MAOB: variants seen among roughly 807,000 people sequenced by gnomAD.
MAOB encodes amine oxidase [flavin-containing] B.
Under a neutral mutation model 41.9 loss-of-function variants are expected in MAOB, and 15 were observed. That is an observed-to-expected ratio of 0.36 (90% CI 0.24 to 0.55). The LOEUF (loss-of-function observed/expected upper bound fraction) is 0.55, where lower values mean the gene tolerates loss of function less well. MAOB is among the 20% of genes least tolerant of loss of function. MAOB has a pLI of 0.86. For missense variants in MAOB, 345 were observed against 398.7 expected, an observed-to-expected ratio of 0.87 and a Z score of 1.15; for synonymous variants, 167 against 144.2, an observed-to-expected ratio of 1.16 and a Z score of -1.13.
At chrX:43,802,921 A>T (rs2034614625) in intron 4 of MAOB, among the ~76,000 whole-genome samples, 1 of 111,668 alleles carries the variant, frequency 9.0e-6, no homozygotes, top group Non-Finnish European at 1.9e-5. Context: ...CGTTCTGCAC[A>T]TGTATCCCGG....
chrX:43,833,823 G>A (rs1456054713), intron 3 of MAOB, among the ~76,000 whole-genome samples: 1 of 111,579 alleles, frequency 9.0e-6, no homozygotes, highest in Non-Finnish European at 1.9e-5. Flanking sequence ...CTTGGAGGCG[G>A]AAAATGAATT....
chrX:43,787,724 G>A (rs953502353), intron 8 of MAOB, among the ~76,000 whole-genome samples: 1 of 111,837 alleles, frequency 8.9e-6, no homozygotes, highest in Non-Finnish European at 1.9e-5. Flanking sequence ...AAGGTCAGTG[G>A]AACAGAAAGA....
chrX:43,805,504 A>T (rs2034651620), intron 3 of MAOB, among the ~76,000 whole-genome samples: 1 of 111,185 alleles, frequency 9.0e-6, no homozygotes, highest in Non-Finnish European at 1.9e-5. Context: ...TCTGTCACTT[A>T]TAGATTGTTT....
At chrX:43,788,419 A>C (rs2034425824) in intron 8 of MAOB, among the ~76,000 whole-genome samples, 1 of 111,969 alleles carries the variant, frequency 8.9e-6, no homozygotes, top group African/African-American at 3.3e-5. Flanking sequence ...GAGAGGACAG[A>C]CCCTAACAAA....
intron 3 of MAOB, among the ~76,000 whole-genome samples, chrX:43,816,670 A>G (rs931776802): frequency 1.8e-5 from 2 of 112,310 alleles, no homozygotes; most frequent in Non-Finnish European, 3.8e-5. Context: ...AGACATCCAT[A>G]TCACTAGACA....
At position 43,857,114 on chromosome X, in the gene MAOB, TATAGAGAGAGAGAGAGAG is replaced by T. The variant is rs1211229523; in HGVS notation, c.47-13368_47-13351del. Among the ~76,000 whole-genome samples, 90 of 11,445 alleles carry T rather than the reference TATAGAGAGAGAGAGAGAG, an allele frequency of 7.9e-3. 1 individual carries two copies. Among genetic ancestry groups the T allele is most frequent in the Non-Finnish European group, 0.01 (67 of 6,676 alleles). 9.9% of individuals were successfully genotyped at this position (11,445 alleles called of 115,157 possible). A position where few individuals can be genotyped will look rare whatever the true frequency, so the allele number is the denominator to read the frequency against. ...ATATATATATATATATATATATATA[TATAGAGAGAGAGAGAGAG>T]AGAGAGAGAGAGAGAGAGAGAGAGA... On this transcript the variant is annotated intron_variant, in intron 1 of 14. Transcript: ENST00000378069.
intron 3 of MAOB, among the ~76,000 whole-genome samples, chrX:43,817,898 T>C (rs755209214): frequency 3.6e-4 from 40 of 112,480 alleles, no homozygotes; most frequent in African/African-American, 1.3e-3. Context: ...TTCATATATA[T>C]ATACATATAT....
intron 2 of MAOB, among the ~76,000 whole-genome samples, chrX:43,843,402 CACACACAG>C (rs2035163353): frequency 9.7e-6 from 1 of 103,306 alleles, no homozygotes. Context: ...CACACACACA[CACACACAG>C]AGGCACACAC....
At chrX:43,804,479 T>C (rs2034637249) in intron 3 of MAOB, among the ~76,000 whole-genome samples, 1 of 108,881 alleles carries the variant, frequency 9.2e-6, no homozygotes, top group South Asian at 3.9e-4. Context: ...GAGAGAGAGA[T>C]ACATACATAG....
chrX:43,846,584 A>G (rs1195170325), intron 1 of MAOB, among the ~76,000 whole-genome samples: 2 of 111,744 alleles, frequency 1.8e-5, no homozygotes, highest in Non-Finnish European at 3.8e-5. Context: ...TCCAAATATC[A>G]GTGGCTTAGG....
intron 3 of MAOB, among the ~76,000 whole-genome samples, chrX:43,829,938 CTG>C (rs1334609464): frequency 8.9e-6 from 1 of 111,789 alleles, no homozygotes; most frequent in Non-Finnish European, 1.9e-5. Context: ...TTGAGATATG[CTG>C]TGAGTGGAAA....
At chrX:43,857,168 A>AAGAAGAAGAGAGAG (rs1555968517) in intron 1 of MAOB, among the ~76,000 whole-genome samples, 1 of 24,867 alleles carries the variant, frequency 4.0e-5, no homozygotes, top group East Asian at 1.5e-3. Flanking sequence ...GAGAGAGAAG[A>AAGAAGAAGAGAGAG]AGAGAGAGAG....
At chrX:43,803,220 G>A (rs1252983801) in intron 4 of MAOB, 80 bp downstream of exon 4, 1 of 869,633 alleles carries the variant, frequency 1.1e-6, no homozygotes, top group African/African-American at 2.1e-5. Context: ...GCTAGGTGTT[G>A]GAGATATATT....
intron 3 of MAOB, among the ~76,000 whole-genome samples, chrX:43,809,224 A>C (rs1046425017): frequency 2.7e-5 from 3 of 112,021 alleles, no homozygotes; most frequent in Non-Finnish European, 5.6e-5. Flanking sequence ...ATGGAGTCCC[A>C]AAAATATTGA....
intron 1 of MAOB, among the ~76,000 whole-genome samples, chrX:43,863,152 A>T (rs892008497): frequency 2.3e-4 from 26 of 111,882 alleles, no homozygotes; most frequent in African/African-American, 8.4e-4. Flanking sequence ...TAAAATCAGG[A>T]ATTATTACCT....
chrX:43,771,879 CCTT>C (rs1179812861), intron 12 of MAOB, among the ~76,000 whole-genome samples: 1 of 111,453 alleles, frequency 9.0e-6, no homozygotes, highest in Admixed American at 9.5e-5. Context: ...AATACCTGCC[CCTT>C]CTTTTGCAGG....
At chrX:43,866,593 C>T (rs907492554) in intron 1 of MAOB, among the ~76,000 whole-genome samples, 3 of 112,338 alleles carry the variant, frequency 2.7e-5, no homozygotes, top group African/African-American at 9.7e-5. Flanking sequence ...TTAATGCGTA[C>T]AGAGTTTCTG....
At chrX:43,780,453 C>T (rs750569309) in intron 9 of MAOB, 58 bp from the exon 10 acceptor site, 1 of 895,402 alleles carries the variant, frequency 1.1e-6, no homozygotes, top group African/African-American at 2.0e-5. Context: ...ATCCTAGCCT[C>T]ATTTTCGTAG....
intron 2 of MAOB, among the ~76,000 whole-genome samples, chrX:43,841,770 T>C (rs1431534355): frequency 6.3e-5 from 7 of 111,833 alleles, no homozygotes; most frequent in Non-Finnish European, 1.3e-4. Flanking sequence ...TTACAATCAA[T>C]TGAGTTTTGA....
Sources: gnomAD v4.1 joint callset for allele counts (sites outside exome capture counted in the v4.1 genomes callset) on GRCh38, gnomAD v4.1.1 for gene constraint, MANE v1.5 for transcripts, NCBI Gene and HGNC (gene_info 2026-07-23, HGNC 2026-07-21) for gene names.